Variants in ZBTB7C observed in about 807,000 individuals in gnomAD.
ZBTB7C encodes the protein zinc finger and BTB domain containing 7C.
Under a neutral mutation model 25.7 loss-of-function variants are expected in ZBTB7C, and 8 were observed. The observed-to-expected ratio is 0.31, with a 90% CI of 0.18 to 0.56. ZBTB7C has a LOEUF of 0.56. ZBTB7C is among the 20% of genes least tolerant of loss of function. The pLI is 0.91. For missense variants in ZBTB7C, 824 were observed against 855.2 expected (o/e 0.96, Z 0.46); for synonymous variants, 394 against 369.0 (o/e 1.07, Z -0.78).
Position 48,339,332 on chromosome 18 carries a change from C to T in ZBTB7C, c.-303-934G>A, listed in dbSNP as rs748545926. On this transcript the variant is annotated intron_variant, in intron 1 of 4. Transcript: ENST00000590800. Reference sequence around the variant, plus strand: ...ATTGCTGAGAAGAGACCGTGGCAGACGAAGAACATCCATCGGGACACCCAG... The same window carrying T: ...ATTGCTGAGAAGAGACCGTGGCAGATGAAGAACATCCATCGGGACACCCAG... Among the ~76,000 whole-genome samples the T allele has an allele frequency of 3.3e-5, 5 of 152,200 alleles. No individual in the cohort carries two copies. The East Asian group carries it at 5.8e-4, about 18-fold the overall frequency.
At chr18:48,267,099 A>G (rs2044337960) in intron 2 of ZBTB7C, among the ~76,000 whole-genome samples, 1 of 152,082 alleles carries the variant, frequency 6.6e-6, no homozygotes, top group Admixed American at 6.5e-5. Flanking sequence ...TGCCTCTTTG[A>G]CTCATGATTA....
chr18:48,141,147 C>T (rs1449196723), intron 3 of ZBTB7C, among the ~76,000 whole-genome samples: 1 of 19,550 alleles, frequency 5.1e-5, no homozygotes, highest in Non-Finnish European at 1.1e-4. Flanking sequence ...CCCCGCACCA[C>T]CCCCCCCACT....
chr18:48,029,880 GC>G lies in ZBTB7C; in HGVS notation c.1239del (p.Lys413AsnfsTer94). 1 of 1,611,706 alleles carries G rather than the reference GC, an allele frequency of 6.2e-7. No homozygotes were observed. Among genetic ancestry groups the G allele is most frequent in the Non-Finnish European group, 8.5e-7 (1 of 1,180,008 alleles). ...CACAGGTAGGGCCGCTCCCCTGTGTGCTTCCGCATGTGGATTTTCAGCTTGT... is the reference window on the plus strand; with the variant it reads ...CACAGGTAGGGCCGCTCCCCTGTGTGTTCCGCATGTGGATTTTCAGCTTGT... ...RQDKLKIHMR[K>X]HTGERPYLCI... On this transcript the variant is annotated frameshift_variant, in exon 5 of 5. Coordinates refer to ENST00000590800, the MANE Select transcript of ZBTB7C (RefSeq NM_001318841.2). LOFTEE classifies it low-confidence loss of function (END_TRUNC).
At chr18:48,105,721 C>T (rs1218098621) in intron 3 of ZBTB7C, among the ~76,000 whole-genome samples, 2 of 152,084 alleles carry the variant, frequency 1.3e-5, no homozygotes, top group Non-Finnish European at 1.5e-5. Context: ...GGGAGAGTTG[C>T]TGCTGAGAGA....
chr18:48,340,438 CT>C (rs1218828731), intron 1 of ZBTB7C, among the ~76,000 whole-genome samples: 3 of 152,202 alleles, frequency 2.0e-5, no homozygotes, highest in African/African-American at 7.2e-5. Context: ...AAATCTGCCC[CT>C]GGCATCATCG....
At chr18:48,339,403 A>G (rs1287720841) in intron 1 of ZBTB7C, among the ~76,000 whole-genome samples, 1 of 152,252 alleles carries the variant, frequency 6.6e-6, no homozygotes, top group Non-Finnish European at 1.5e-5. Flanking sequence ...GAGAGTGGCA[A>G]AAGAAGGAAG....
intron 3 of ZBTB7C, among the ~76,000 whole-genome samples, chr18:48,139,262 G>A (rs1003719250): frequency 6.6e-6 from 1 of 152,156 alleles, no homozygotes; most frequent in Non-Finnish European, 1.5e-5. Flanking sequence ...GAAAACAGGA[G>A]GGGGTCTATG....
intron 1 of ZBTB7C, among the ~76,000 whole-genome samples, chr18:48,375,835 T>C (rs1306186376): frequency 2.6e-5 from 4 of 152,262 alleles, no homozygotes; most frequent in Non-Finnish European, 5.9e-5. Context: ...GGCAACCAGT[T>C]GTCACTTGAA....
intron 1 of ZBTB7C, among the ~76,000 whole-genome samples, chr18:48,391,139 G>A (rs1459619236): frequency 6.6e-6 from 1 of 152,208 alleles, no homozygotes. Context: ...CTCCACTCCA[G>A]AGAAGTAAAA....
chr18:48,371,127 G>C (rs1174113752), intron 1 of ZBTB7C, among the ~76,000 whole-genome samples: 1 of 152,040 alleles, frequency 6.6e-6, no homozygotes, highest in Non-Finnish European at 1.5e-5. Context: ...CTCTCAAAGG[G>C]GTTCATTTCC....
chr18:48,236,123 T>C (rs1443281751), intron 2 of ZBTB7C, among the ~76,000 whole-genome samples: 1 of 152,238 alleles, frequency 6.6e-6, no homozygotes, highest in African/African-American at 2.4e-5. Context: ...TAATTTTTTG[T>C]TTCTCTATTC....
At chr18:48,290,131 C>A (rs66586994) in intron 2 of ZBTB7C, among the ~76,000 whole-genome samples, 15,221 of 152,196 alleles carry the variant, frequency 0.1, 1,003 homozygotes, top group African/African-American at 0.18. Context: ...ACCTCGTACA[C>A]GCTCAATAAA....
intron 2 of ZBTB7C, among the ~76,000 whole-genome samples, chr18:48,267,338 C>T (rs541589976): frequency 9.8e-5 from 15 of 152,360 alleles, no homozygotes; most frequent in African/African-American, 3.6e-4. Flanking sequence ...GCAAGGCCCC[C>T]CTCAACAGTT....
intron 3 of ZBTB7C, among the ~76,000 whole-genome samples, chr18:48,056,269 G>C (rs1007135195): frequency 6.6e-6 from 1 of 152,202 alleles, no homozygotes; most frequent in Non-Finnish European, 1.5e-5. Context: ...TATTTGGACA[G>C]GGAGCCACAA....
chr18:48,314,949 C>T lies in ZBTB7C; in HGVS notation c.-79+23225G>A, dbSNP rs376610681. Among the ~76,000 whole-genome samples the T allele has an allele frequency of 1.6e-4, 25 of 152,326 alleles. No individual in the cohort carries two copies. In the East Asian group the frequency reaches 4.7e-3, roughly 28 times the overall value. On this transcript the variant is annotated intron_variant, in intron 2 of 4. Transcript: ENST00000590800. ...GTTAATGGGTTTCCCTCAGCTCCCC[C>T]TCCTGGGGGTCTGCACAGCCCCTTC...
intron 1 of ZBTB7C, among the ~76,000 whole-genome samples, chr18:48,377,095 C>T (rs934681674): frequency 2.0e-5 from 3 of 152,294 alleles, no homozygotes; most frequent in Admixed American, 2.0e-4. Context: ...TGGGCCCCCA[C>T]ACCAGGCCTC....
chr18:48,135,601 A>G lies in ZBTB7C; in HGVS notation c.-17+50333T>C, dbSNP rs2144797886. Among the ~76,000 whole-genome samples the G allele has an allele frequency of 2.0e-5, 3 of 152,190 alleles. No individual in the cohort carries two copies. The South Asian group carries it at 6.2e-4, about 32-fold the overall frequency. ...AGGGGGGAGGACCGGCACTGGGGCT[A>G]CTTTTCTTTCCTGGAGTTTCACCCA... On this transcript the variant is annotated intron_variant, in intron 3 of 4. Coordinates refer to ENST00000590800, the MANE Select transcript of ZBTB7C (RefSeq NM_001318841.2).
Position 48,040,141 on chromosome 18 carries a change from C to T in ZBTB7C, c.967G>A (p.Gly323Arg). The T allele has an allele frequency of 6.3e-7, 1 of 1,583,970 alleles. No homozygotes were observed. The highest frequency in any genetic ancestry group is 8.6e-7 in the Non-Finnish European group (1 of 1,165,062). Residue 323 changes from glycine (G) to arginine (R), a missense_variant, in exon 4 of 5, where the codon GGA (glycine) becomes AGA (arginine). Transcript: ENST00000590800. ...MFPDLPGGPL[G>R]PIKAENDYGA... ...TAGTCGTTCTCCGCCTTGATGGGTCCCAGAGGCCCCCCCGGCAGGTCAGGG... is the reference window on the plus strand; with the variant it reads ...TAGTCGTTCTCCGCCTTGATGGGTCTCAGAGGCCCCCCCGGCAGGTCAGGG...
intron 2 of ZBTB7C, among the ~76,000 whole-genome samples, chr18:48,335,836 CTGAG>C (rs1251547323): frequency 1.3e-5 from 2 of 152,220 alleles, no homozygotes; most frequent in Non-Finnish European, 2.9e-5. Flanking sequence ...GTTAGACCTA[CTGAG>C]TGAAATGAAA....
Sources: gnomAD v4.1 joint callset for allele counts (sites outside exome capture counted in the v4.1 genomes callset) on GRCh38, gnomAD v4.1.1 for gene constraint, MANE v1.5 for transcripts, NCBI Gene and HGNC (gene_info 2026-07-23, HGNC 2026-07-21) for gene names.